TCF20: variants seen among roughly 807,000 people sequenced by gnomAD.
The protein encoded by TCF20 is SPRE-binding protein.
In TCF20, 3 loss-of-function variants were observed where a neutral mutation model predicts 148.6. That is an observed-to-expected ratio of 0.02 (90% CI 0.01 to 0.05). The LOEUF (loss-of-function observed/expected upper bound fraction) is 0.05. Among genes scored for constraint, TCF20 ranks in the 10% least tolerant of loss-of-function variants. The probability of loss-of-function intolerance (pLI) is 1.00; values close to 1 mark genes in which losing one functional copy is unlikely to be tolerated. For missense variants in TCF20, 2,350 were observed against 2,429.3 expected (o/e 0.97, Z 0.69); for synonymous variants, 1,049 against 909.5 (o/e 1.15, Z -2.76).
intron 1 of TCF20, among the ~76,000 whole-genome samples, chr22:42,321,398 G>T (rs1927730679): frequency 6.6e-6 from 1 of 152,166 alleles, no homozygotes; most frequent in Non-Finnish European, 1.5e-5. Flanking sequence ...CCACCTCCCG[G>T]CTCCTCTGGC....
At chr22:42,184,327 G>T (rs527400855) in intron 2 of TCF20, among the ~76,000 whole-genome samples, 2 of 151,954 alleles carry the variant, frequency 1.3e-5, no homozygotes, top group Non-Finnish European at 2.9e-5. Flanking sequence ...ATACCATGAC[G>T]CCTGTTAGCC....
At chr22:42,190,403 C>T (rs1937268696) in intron 2 of TCF20, among the ~76,000 whole-genome samples, 1 of 152,054 alleles carries the variant, frequency 6.6e-6, no homozygotes, top group Admixed American at 6.6e-5. Context: ...AAGGCTGCAG[C>T]CAACTATGAT....
intron 1 of TCF20, among the ~76,000 whole-genome samples, chr22:42,249,620 T>C (rs895086904): frequency 2.0e-5 from 3 of 152,210 alleles, no homozygotes; most frequent in East Asian, 1.9e-4. Context: ...GGCTTTCAAA[T>C]AGACAGTATA....
At chr22:42,232,945 G>C (rs560741687) in intron 1 of TCF20, among the ~76,000 whole-genome samples, 1 of 151,946 alleles carries the variant, frequency 6.6e-6, no homozygotes, top group Non-Finnish European at 1.5e-5. Context: ...TTTTGAGACA[G>C]AGTCTCCCTC....
intron 1 of TCF20, among the ~76,000 whole-genome samples, chr22:42,216,101 T>TTTTTTTTTTTTTTTTTTG (rs967996391): frequency 7.5e-6 from 1 of 134,010 alleles, no homozygotes; most frequent in African/African-American, 3.1e-5. Context: ...TTTTTTTTTT[T>TTTTTTTTTTTTTTTTTTG]TTTTTTGAGA....
chr22:42,190,918 A>C (rs141579859), intron 2 of TCF20, among the ~76,000 whole-genome samples: 1 of 152,248 alleles, frequency 6.6e-6, no homozygotes, highest in Non-Finnish European at 1.5e-5. Context: ...TGGTAGGCAG[A>C]TATCAGCCAC....
chr22:42,181,108 C>T (rs1023373559), intron 2 of TCF20, among the ~76,000 whole-genome samples: 4 of 152,240 alleles, frequency 2.6e-5, no homozygotes, highest in Non-Finnish European at 5.9e-5. Flanking sequence ...CAGAGCATCT[C>T]AGAATCAAAA....
At chr22:42,326,290 G>T (rs1308319192) in intron 1 of TCF20, among the ~76,000 whole-genome samples, 1 of 152,052 alleles carries the variant, frequency 6.6e-6, no homozygotes, top group African/African-American at 2.4e-5. Flanking sequence ...CTCACCCTCT[G>T]CCCCCCACAG....
At chr22:42,258,270 C>G (rs571384728) in intron 1 of TCF20, among the ~76,000 whole-genome samples, 4 of 152,124 alleles carry the variant, frequency 2.6e-5, no homozygotes, top group African/African-American at 7.2e-5. Context: ...ATACCTCCCC[C>G]CCCTTCCCTA....
intron 2 of TCF20, among the ~76,000 whole-genome samples, chr22:42,197,415 C>T (rs1475901554): frequency 2.6e-5 from 4 of 151,750 alleles, no homozygotes; most frequent in Non-Finnish European, 5.9e-5. Flanking sequence ...CTCCGCCTCC[C>T]GGGTTCATGC....
At chr22:42,327,147 C>A (rs1927890018) in intron 1 of TCF20, among the ~76,000 whole-genome samples, 1 of 152,202 alleles carries the variant, frequency 6.6e-6, no homozygotes. Flanking sequence ...TGGGTGCCCA[C>A]AGAGCTAAGC....
At position 42,211,171 on chromosome 22, in the gene TCF20, T is replaced by C. The variant is rs375493956; in HGVS notation, c.4135A>G (p.Thr1379Ala). 2 of 1,614,192 alleles carry C rather than the reference T, an allele frequency of 1.2e-6. No homozygotes were observed. Among genetic ancestry groups the C allele is most frequent in the Non-Finnish European group, 1.7e-6 (2 of 1,180,040 alleles). ...SSNSAEAGGD[T>A]VTLDDILSLK... ...GACAGTATATCATCAAGCGTAACCG[T>C]GTCTCCCCCAGCCTCCGCACTGTTC... Residue 1379 changes from threonine to alanine, a missense_variant, in exon 2 of 6, where the codon ACG (threonine) becomes GCG (alanine). Thr to Ala is a moderately conservative substitution (Grantham distance 58). This residue lies in a region of TCF20 where 231 missense variants were observed against 213.7 expected (regional missense o/e 1.08). Transcript: ENST00000677622.
chr22:42,255,492 AAC>A (rs369813689), intron 1 of TCF20, among the ~76,000 whole-genome samples: 63,142 of 149,226 alleles, frequency 0.42, 13,674 homozygotes, highest in South Asian at 0.48. Context: ...CATCTCAAAC[AAC>A]AACAACAACA....
At chr22:42,271,107 G>C (rs1028105938), upstream of TCF20, among the ~76,000 whole-genome samples, 1 of 152,144 alleles carries the variant, frequency 6.6e-6, no homozygotes, top group Non-Finnish European at 1.5e-5. Context: ...GTTTAGTGGG[G>C]TCGGGCGTGG....
At chr22:42,239,644 C>T (rs1348897231) in intron 1 of TCF20, among the ~76,000 whole-genome samples, 2 of 151,822 alleles carry the variant, frequency 1.3e-5, no homozygotes, top group African/African-American at 4.8e-5. Context: ...AAATATTAGC[C>T]GGGCATGGTG....
intron 1 of TCF20, among the ~76,000 whole-genome samples, chr22:42,261,419 G>C (rs62241405): frequency 5.3e-5 from 8 of 152,304 alleles, no homozygotes; most frequent in Admixed American, 5.2e-4. Flanking sequence ...CAAAGTGGTT[G>C]CATCATTTTA....
chr22:42,298,942 G>C (rs1927283077), intron 1 of TCF20, among the ~76,000 whole-genome samples: 1 of 152,248 alleles, frequency 6.6e-6, no homozygotes, highest in African/African-American at 2.4e-5. Context: ...GCCCAGGGCA[G>C]GGAGGGGCCG....
At chr22:42,183,198 A>AGGATTACT (rs1936864602) in intron 2 of TCF20, among the ~76,000 whole-genome samples, 1 of 152,232 alleles carries the variant, frequency 6.6e-6, no homozygotes, top group African/African-American at 2.4e-5. Context: ...TGGGTGAGCT[A>AGGATTACT]GGATTACTGG....
intron 1 of TCF20, among the ~76,000 whole-genome samples, chr22:42,260,165 C>G (rs1925954166): frequency 6.6e-6 from 1 of 152,038 alleles, no homozygotes; most frequent in African/African-American, 2.4e-5. Flanking sequence ...GTTCCAGACA[C>G]AGGAAGGAGC....
Sources: gnomAD v4.1 joint callset for allele counts (sites outside exome capture counted in the v4.1 genomes callset) on GRCh38, gnomAD v4.1.1 for gene constraint, gnomAD v4.1.1 regional missense constraint, MANE v1.5 for transcripts, NCBI Gene and HGNC (gene_info 2026-07-23, HGNC 2026-07-21) for gene names.